The following ZNF787 variants were observed in gnomAD, a reference collection of about 807,000 sequenced individuals.
ZNF787 encodes the protein zinc finger protein 787, also known as TTF-I-interacting peptide 20.
In ZNF787, 7 loss-of-function variants were observed where a neutral mutation model predicts 16.9. The ratio of observed to expected loss-of-function variants is 0.42; its 90% CI spans 0.24 to 0.78. The LOEUF is 0.78. Among genes scored for constraint, ZNF787 ranks in the 30% least tolerant of loss-of-function variants. The pLI is 0.30. For synonymous variants in ZNF787, 345 were observed against 270.9 expected (o/e 1.27, Z -2.69); for missense variants, 551 against 589.3 (o/e 0.94, Z 0.67).
Position 56,094,184 on chromosome 19 carries a change from C to T in ZNF787, c.80-5092G>A, listed in dbSNP as rs567674133. 2.8e-3 allele frequency among the ~76,000 whole-genome samples: 381 copies of T among 135,186 alleles called. 1 individual carries two copies. The highest frequency in any genetic ancestry group is 0.011 in the African/African-American group (370 of 34,414). 88.7% of individuals were successfully genotyped at this position (135,186 alleles called of 152,430 possible). On this transcript the variant is annotated intron_variant, in intron 2 of 2. Coordinates refer to ENST00000610935, the MANE Select transcript of ZNF787 (RefSeq NM_001002836.4). ...GATTACAGGCATGAGCCATCATGCCCGGCTTTTTTTTTTTTTTTTTTTTCA... is the reference window on the plus strand; with the variant it reads ...GATTACAGGCATGAGCCATCATGCCTGGCTTTTTTTTTTTTTTTTTTTTCA...
At chr19:56,114,573 C>T (rs372574776) in intron 1 of ZNF787, among the ~76,000 whole-genome samples, 5 of 152,172 alleles carry the variant, frequency 3.3e-5, no homozygotes, top group Admixed American at 1.3e-4. Context: ...CTGCCTGGCT[C>T]AGTCTCACCT....
chr19:56,107,401 C>T (rs1184422368), intron 1 of ZNF787, among the ~76,000 whole-genome samples: 1 of 152,160 alleles, frequency 6.6e-6, no homozygotes, highest in Non-Finnish European at 1.5e-5. Flanking sequence ...ATTTACTGAG[C>T]ACCTGCGAGG....
At chr19:56,115,686 C>T (rs58612152) in intron 1 of ZNF787, among the ~76,000 whole-genome samples, 3,916 of 152,222 alleles carry the variant, frequency 0.026, 157 homozygotes, top group African/African-American at 0.09. Context: ...CCGTCAGAGC[C>T]GTCTTCCTCG....
chr19:56,112,851 G>A (rs1260982994), intron 1 of ZNF787, among the ~76,000 whole-genome samples: 2 of 151,628 alleles, frequency 1.3e-5, no homozygotes, highest in African/African-American at 4.8e-5. Flanking sequence ...GGCGGGGGAG[G>A]AGCTCTGGGG....
intron 2 of ZNF787, among the ~76,000 whole-genome samples, chr19:56,090,667 CA>C (rs1258543428): frequency 6.6e-6 from 1 of 152,114 alleles, no homozygotes; most frequent in African/African-American, 2.4e-5. Context: ...ACTAAAAACA[CA>C]AAAATTAGCC....
At chr19:56,112,410 G>A (rs569426340) in intron 1 of ZNF787, among the ~76,000 whole-genome samples, 2 of 152,296 alleles carry the variant, frequency 1.3e-5, no homozygotes, top group South Asian at 4.1e-4. Context: ...TGGAGCACGG[G>A]CAGGGGTGCG....
intron 1 of ZNF787, among the ~76,000 whole-genome samples, chr19:56,103,697 A>G (rs73615730): frequency 2.0e-5 from 3 of 151,920 alleles, no homozygotes; most frequent in African/African-American, 7.3e-5. Context: ...ACAGGGCAAC[A>G]GGCGCCTAAG....
At chr19:56,097,935 GA>G (rs1985931959) in intron 2 of ZNF787, among the ~76,000 whole-genome samples, 1 of 152,024 alleles carries the variant, frequency 6.6e-6, no homozygotes, top group African/African-American at 2.4e-5. Flanking sequence ...AGGCTTGGGG[GA>G]GAAGAGGCAT....
chr19:56,091,951 G>GCCGAAACCGAAACCGAAA (rs59574241), intron 2 of ZNF787, among the ~76,000 whole-genome samples: 12 of 28,874 alleles, frequency 4.2e-4, no homozygotes, highest in Non-Finnish European at 1.9e-3. Context: ...CAAAGCCAAA[G>GCCGAAACCGAAACCGAAA]CCGAAACCGA....
Position 56,104,563 on chromosome 19 carries a change from C to T in ZNF787, c.-10-1336G>A, listed in dbSNP as rs181770791. ...GTGCCACGCACCAGGAAGGTCTCTA[C>T]GCACACCACCCACCCGTGCCACGTA... On this transcript the variant is annotated intron_variant, in intron 1 of 2. Transcript: ENST00000610935. Among the ~76,000 whole-genome samples the T allele has an allele frequency of 2.1e-3, 325 of 151,830 alleles. 2 individuals are homozygous for T. The highest frequency in any genetic ancestry group is 7.3e-3 in the African/African-American group (304 of 41,390).
intron 2 of ZNF787, among the ~76,000 whole-genome samples, chr19:56,098,465 T>TGGAGCC: frequency 6.8e-6 from 1 of 147,864 alleles, no homozygotes; most frequent in Non-Finnish European, 1.5e-5. Flanking sequence ...CGCAGGGTGA[T>TGGAGCC]TACGGCCGCA....
chr19:56,105,392 T>A (rs984853072), intron 1 of ZNF787: 8 of 152,152 alleles, frequency 5.3e-5, no homozygotes, highest in African/African-American at 1.9e-4. Context: ...GACAGCCGAA[T>A]AAGGGCAATT....
intron 2 of ZNF787, among the ~76,000 whole-genome samples, chr19:56,099,722 A>G (rs1986017048): frequency 6.7e-6 from 1 of 149,352 alleles, no homozygotes; most frequent in African/African-American, 2.5e-5. Flanking sequence ...AAAAAAAAAA[A>G]AAAGAAAAGA....
At chr19:56,115,206 G>A (rs773195720) in intron 1 of ZNF787, among the ~76,000 whole-genome samples, 65 of 152,098 alleles carry the variant, frequency 4.3e-4, no homozygotes, top group Non-Finnish European at 6.8e-4. Context: ...CTTCCCTCTC[G>A]TCTGAGCCGG....
intron 1 of ZNF787, among the ~76,000 whole-genome samples, chr19:56,114,411 T>C (rs636235): frequency 0.86 from 91,317 of 106,384 alleles, 39,102 homozygotes; most frequent in South Asian, 0.94. Context: ...CCACCTGCCC[T>C]GGCCAGGCCT....
At position 56,087,793 on chromosome 19, in the gene ZNF787, A is replaced by C. The variant is rs955449781; in HGVS notation, c.*230T>G. 148 of 614,302 alleles carry C rather than the reference A, an allele frequency of 2.4e-4. No individual in the cohort carries two copies. The highest frequency in any genetic ancestry group is 3.1e-4 in the Non-Finnish European group (134 of 435,998). 38.1% of individuals were successfully genotyped at this position (614,302 alleles called of 1,614,324 possible). A position where few individuals can be genotyped will look rare whatever the true frequency, so the allele number is the denominator to read the frequency against. On this transcript the variant is annotated 3_prime_UTR_variant, in exon 3 of 3. Coordinates refer to ENST00000610935, the MANE Select transcript of ZNF787 (RefSeq NM_001002836.4). Reference sequence around the variant, plus strand: ...CGGCTCGCAGGCCGATAACTTAGGAAGGGCGGGCCAGGCTGAGGGGGCAGA... The same window carrying C: ...CGGCTCGCAGGCCGATAACTTAGGACGGGCGGGCCAGGCTGAGGGGGCAGA...
chr19:56,096,238 A>AAAAAATAAAAAAAT (rs1599943859), intron 2 of ZNF787, among the ~76,000 whole-genome samples: 1 of 2,202 alleles, frequency 4.5e-4, no homozygotes, highest in Admixed American at 9.6e-4. Flanking sequence ...TAAAAAAATA[A>AAAAAATAAAAAAAT]AAAAAATAAA....
intron 1 of ZNF787, among the ~76,000 whole-genome samples, chr19:56,109,543 C>CA (rs1231434585): frequency 6.6e-6 from 1 of 152,210 alleles, no homozygotes; most frequent in Non-Finnish European, 1.5e-5. Flanking sequence ...TAGAAGCCCT[C>CA]AGGTCTAACT....
intron 1 of ZNF787, among the ~76,000 whole-genome samples, chr19:56,106,942 G>A (rs1986346943): frequency 6.6e-6 from 1 of 152,230 alleles, no homozygotes; most frequent in African/African-American, 2.4e-5. Context: ...CACTATCCAG[G>A]TACAGAACGG....
Sources: allele counts gnomAD v4.1 joint callset (sites outside exome capture counted in the v4.1 genomes callset), GRCh38; gene constraint gnomAD v4.1.1; transcripts MANE v1.5; gene names NCBI Gene and HGNC (gene_info 2026-07-23, HGNC 2026-07-21).